VWA8: variants seen among roughly 807,000 people sequenced by gnomAD.
The protein encoded by VWA8 is von Willebrand factor A domain containing 8.
Under a neutral mutation model 241.5 loss-of-function variants are expected in VWA8, and 221 were observed. That is an observed-to-expected ratio of 0.91 (90% CI 0.82 to 1.02). VWA8 has a LOEUF of 1.02. Among genes scored for constraint, VWA8 ranks in the 50% least tolerant of loss-of-function variants. The pLI is 0.00. For synonymous variants in VWA8, 852 were observed against 827.1 expected, an observed-to-expected ratio of 1.03 and a Z score of -0.52; for missense variants, 2,322 against 2,328.7, an observed-to-expected ratio of 1.00 and a Z score of 0.06.
intron 17 of VWA8, among the ~76,000 whole-genome samples, chr13:41,805,233 GAAAC>G (rs1047929573): frequency 3.3e-5 from 5 of 152,102 alleles, no homozygotes; most frequent in Non-Finnish European, 5.9e-5. Context: ...CATGCCAAAT[GAAAC>G]AAACAAACAA....
intron 1 of VWA8, among the ~76,000 whole-genome samples, chr13:41,956,805 T>C (rs1878368902): frequency 6.6e-6 from 1 of 152,194 alleles, no homozygotes; most frequent in Non-Finnish European, 1.5e-5. Context: ...ATAAATTATA[T>C]GGACAAACAT....
intron 26 of VWA8, among the ~76,000 whole-genome samples, chr13:41,717,346 A>G (rs1035450442): frequency 6.6e-6 from 1 of 151,814 alleles, no homozygotes; most frequent in Non-Finnish European, 1.5e-5. Context: ...AATCAAATAG[A>G]TATGCTATGT....
chr13:41,734,736 C>G (rs1039684564), intron 21 of VWA8, among the ~76,000 whole-genome samples: 1 of 152,202 alleles, frequency 6.6e-6, no homozygotes, highest in African/African-American at 2.4e-5. Flanking sequence ...GGCCGGGCAC[C>G]TGCCCCCATA....
chr13:41,858,684 G>A (rs755126228), intron 12 of VWA8, among the ~76,000 whole-genome samples: 49 of 152,150 alleles, frequency 3.2e-4, no homozygotes, highest in Non-Finnish European at 4.9e-4. Flanking sequence ...ATTTGAAAAG[G>A]ATTGCTAGAG....
At chr13:41,844,326 G>A (rs1872190476) in intron 12 of VWA8, among the ~76,000 whole-genome samples, 1 of 151,960 alleles carries the variant, frequency 6.6e-6, no homozygotes, top group Non-Finnish European at 1.5e-5. Flanking sequence ...AGGCACTGAA[G>A]GAACATACAT....
At chr13:41,959,158 A>G (rs1489464551) in intron 1 of VWA8, among the ~76,000 whole-genome samples, 1 of 152,220 alleles carries the variant, frequency 6.6e-6, no homozygotes, top group Non-Finnish European at 1.5e-5. Context: ...TAAAAAAGCT[A>G]ACTTTTATTG....
At chr13:41,749,165 A>G (rs1329622906) in intron 21 of VWA8, among the ~76,000 whole-genome samples, 1 of 152,212 alleles carries the variant, frequency 6.6e-6, no homozygotes, top group Non-Finnish European at 1.5e-5. Context: ...CAAGAAAAAA[A>G]CAAACAACCC....
At chr13:41,913,578 A>G (rs1332835563) in intron 2 of VWA8, among the ~76,000 whole-genome samples, 1 of 152,202 alleles carries the variant, frequency 6.6e-6, no homozygotes, top group African/African-American at 2.4e-5. Flanking sequence ...CTGACAGCAC[A>G]ATATTGTTAG....
chr13:41,709,633 C>T (rs1206171062), intron 26 of VWA8, among the ~76,000 whole-genome samples: 1 of 152,056 alleles, frequency 6.6e-6, no homozygotes, highest in African/African-American at 2.4e-5. Flanking sequence ...CTTTATTTGC[C>T]TGGAGAATAA....
At chr13:41,753,316 A>G (rs922705739) in intron 21 of VWA8, among the ~76,000 whole-genome samples, 1 of 152,178 alleles carries the variant, frequency 6.6e-6, no homozygotes, top group Non-Finnish European at 1.5e-5. Context: ...CTCTGGCAGT[A>G]TAAGTATTTC....
chr13:41,571,075 T>TAAACA lies in VWA8; in HGVS notation c.5371-374_5371-370dup, dbSNP rs1375400350. ...AATAAGGAATGAGTTGAGTTTCCAA[T>TAAACA]AAACAAAGGTATAATACTAAAAACA... On this transcript the variant is annotated intron_variant, in intron 43 of 44. Transcript: ENST00000379310. 5.9e-5 allele frequency among the ~76,000 whole-genome samples: 9 copies of TAAACA among 152,236 alleles called. No individual in the cohort carries two copies. In the South Asian group the frequency reaches 1.7e-3, roughly 28 times the overall value.
chr13:41,654,052 CT>C (rs1208680587), intron 37 of VWA8, among the ~76,000 whole-genome samples: 1 of 152,090 alleles, frequency 6.6e-6, no homozygotes, highest in African/African-American at 2.4e-5. Context: ...CAAAAATTGA[CT>C]CATAAAAACA....
intron 43 of VWA8, among the ~76,000 whole-genome samples, chr13:41,571,483 G>C (rs1229865621): frequency 1.3e-5 from 2 of 152,116 alleles, no homozygotes; most frequent in African/African-American, 2.4e-5. Flanking sequence ...AGAGTGCCTG[G>C]GATTGCAGGT....
rs2045166170 is a variant in VWA8 at position 41,690,182 on chromosome 13, C to T, written c.3960G>A (p.Gly1320=). Residue 1320 remains glycine (G), a synonymous_variant, in exon 33 of 45, where the codon GGG becomes GGA. Transcript: ENST00000379310. ...AGTATTTACCTTGTGTAACTCCAAACCCTGTGCTGGGCGGCTCCTCTTTCA... is the reference window on the plus strand; with the variant it reads ...AGTATTTACCTTGTGTAACTCCAAATCCTGTGCTGGGCGGCTCCTCTTTCA... ...YVLKEEPPST[G]FGVTQETEFS... is the part of the protein sequence containing the mutation. 2 of 1,612,364 alleles carry T rather than the reference C, an allele frequency of 1.2e-6. No individual in the cohort carries two copies. Among genetic ancestry groups the T allele is most frequent in the South Asian group, 1.1e-5 (1 of 91,014 alleles).
Position 41,783,921 on chromosome 13 carries a change from C to T in VWA8, c.2171-20G>A, listed in dbSNP as rs369150480. The T allele has an allele frequency of 2.5e-5, 40 of 1,594,450 alleles. No individual in the cohort carries two copies. Among genetic ancestry groups the T allele is most frequent in the African/African-American group, 2.1e-4 (16 of 74,428 alleles). ...CTTCACCTAAACATTTCACACAGGA[C>T]GGATAATTATTCATAGCACTGTCCT... is the stretch of plus-strand genomic sequence containing the variant. On this transcript the variant is annotated intron_variant, in intron 18 of 44. Coordinates refer to ENST00000379310, the MANE Select transcript of VWA8 (RefSeq NM_015058.2).
chr13:41,705,399 C>G (rs1038458870), intron 26 of VWA8, among the ~76,000 whole-genome samples: 11 of 152,140 alleles, frequency 7.2e-5, no homozygotes, highest in Non-Finnish European at 1.2e-4. Context: ...TAGGCCAGAT[C>G]TTGAAAACAT....
Position 41,685,047 on chromosome 13 carries a change from C to T in VWA8, c.4327G>A (p.Asp1443Asn). Residue 1443 changes from aspartate to asparagine, a missense_variant and splice_region_variant, in exon 35 of 45, where the codon GAT (aspartate) becomes AAT (asparagine). Coordinates refer to ENST00000379310, the MANE Select transcript of VWA8 (RefSeq NM_015058.2). The part of the protein sequence containing the change: ...EVPLKDIYPK[D>N]VTPPQTSGYI... ...TAGGAATTGGTGAGTTCCTTCTTAC[C>T]TTTTGGGTAGATATCTTTTAGAGGG... 6.2e-7 allele frequency: 1 copy of T among 1,612,218 alleles called. No individual in the cohort carries two copies. The highest frequency in any genetic ancestry group is 8.5e-7 in the Non-Finnish European group (1 of 1,179,340).
intron 42 of VWA8, among the ~76,000 whole-genome samples, chr13:41,579,034 T>C (rs1391189177): frequency 6.6e-6 from 1 of 152,252 alleles, no homozygotes; most frequent in Non-Finnish European, 1.5e-5. Flanking sequence ...GAATGATTTA[T>C]AATGTTTAGA....
chr13:41,577,190 T>C, intron 42 of VWA8, among the ~76,000 whole-genome samples: 1 of 152,070 alleles, frequency 6.6e-6, no homozygotes, highest in Non-Finnish European at 1.5e-5. Flanking sequence ...CCTCACCTCA[T>C]GGGAGGGTCA....
Sources: gnomAD v4.1 joint callset for allele counts (sites outside exome capture counted in the v4.1 genomes callset) on GRCh38, gnomAD v4.1.1 for gene constraint, MANE v1.5 for transcripts, NCBI Gene and HGNC (gene_info 2026-07-23, HGNC 2026-07-21) for gene names.